Variants in XKR4 observed in about 807,000 individuals in gnomAD.
XKR4 encodes XK related 4, also known as XK-related protein 4.
Under a neutral mutation model 53.9 loss-of-function variants are expected in XKR4, and 12 were observed. The ratio of observed to expected loss-of-function variants is 0.22; its 90% confidence interval spans 0.14 to 0.36. The LOEUF (loss-of-function observed/expected upper bound fraction) is 0.36. Among genes scored for constraint, XKR4 ranks in the 10% least tolerant of loss-of-function variants. The pLI is 1.00. For missense variants in XKR4, 799 were observed against 859.5 expected (o/e 0.93, Z 0.88); for synonymous variants, 354 against 362.4 (o/e 0.98, Z 0.26).
At chr8:55,513,615 T>A (rs951145614) in intron 2 of XKR4, among the ~76,000 whole-genome samples, 1 of 152,190 alleles carries the variant, frequency 6.6e-6, no homozygotes, top group African/African-American at 2.4e-5. Context: ...AGAGTCCCTT[T>A]TCAAGAGGTT....
chr8:55,408,529 A>G (rs1220441639), intron 2 of XKR4, among the ~76,000 whole-genome samples: 2 of 152,212 alleles, frequency 1.3e-5, no homozygotes, highest in South Asian at 2.1e-4. Context: ...CAGGCCCCAA[A>G]GGAACAGACA....
At chr8:55,234,897 C>T (rs80227239) in intron 1 of XKR4, among the ~76,000 whole-genome samples, 3,345 of 152,254 alleles carry the variant, frequency 0.022, 134 homozygotes, top group African/African-American at 0.075. Flanking sequence ...CTCTGCATCC[C>T]GGCTCCTTGG....
At chr8:55,237,267 T>C (rs888270712) in intron 1 of XKR4, among the ~76,000 whole-genome samples, 1 of 152,194 alleles carries the variant, frequency 6.6e-6, no homozygotes, top group Non-Finnish European at 1.5e-5. Flanking sequence ...AAGTCAAAAA[T>C]TCACATGTAT....
chr8:55,471,683 G>A (rs1805886351), intron 2 of XKR4, among the ~76,000 whole-genome samples: 1 of 152,172 alleles, frequency 6.6e-6, no homozygotes, highest in Non-Finnish European at 1.5e-5. Flanking sequence ...GGTGGGGCCT[G>A]GTGGGAGGTG....
At chr8:55,360,384 T>C (rs1236257821) in intron 2 of XKR4, among the ~76,000 whole-genome samples, 1 of 152,194 alleles carries the variant, frequency 6.6e-6, no homozygotes, top group East Asian at 1.9e-4. Context: ...ACAAACCAGC[T>C]GATAAATTAA....
At chr8:55,199,238 A>T (rs1817543387) in intron 1 of XKR4, among the ~76,000 whole-genome samples, 2 of 152,198 alleles carry the variant, frequency 1.3e-5, no homozygotes, top group Admixed American at 6.5e-5. Flanking sequence ...AGAAAAAAAA[A>T]TGGTAAAACT....
At chr8:55,266,107 A>G (rs939284636) in intron 1 of XKR4, among the ~76,000 whole-genome samples, 3 of 151,904 alleles carry the variant, frequency 2.0e-5, no homozygotes, top group Non-Finnish European at 4.4e-5. Context: ...GCAGTGAGCT[A>G]TGATTGTGTC....
chr8:55,265,268 C>T (rs1818580345), intron 1 of XKR4, among the ~76,000 whole-genome samples: 1 of 152,196 alleles, frequency 6.6e-6, no homozygotes, highest in Admixed American at 6.5e-5. Context: ...GAAATAAAGA[C>T]TAGGAAATAT....
intron 2 of XKR4, among the ~76,000 whole-genome samples, chr8:55,416,929 TTTAA>T (rs1374269022): frequency 6.6e-5 from 10 of 152,224 alleles, no homozygotes; most frequent in Admixed American, 1.3e-4. Context: ...CTAATGAAGT[TTTAA>T]TTGTTTCAAA....
rs541803141 is a variant in XKR4, at chr8:55,451,670, C to T, written c.1007-71611C>T. 5.8e-6 allele frequency: 9 copies of T among 1,547,814 alleles called. No homozygotes were observed. In the East Asian group the frequency reaches 1.6e-4, roughly 27 times the overall value. On this transcript the variant is annotated intron_variant, in intron 2 of 2. Transcript: ENST00000327381. ...GCGTTGTCCTGGACACTCTGGGGCACGATCAGCAGCCCCGGGTACCTGCGG... is the reference window on the plus strand; with the variant it reads ...GCGTTGTCCTGGACACTCTGGGGCATGATCAGCAGCCCCGGGTACCTGCGG...
At chr8:55,107,068 C>T (rs1816159419) in intron 1 of XKR4, among the ~76,000 whole-genome samples, 1 of 152,102 alleles carries the variant, frequency 6.6e-6, no homozygotes, top group Non-Finnish European at 1.5e-5. Flanking sequence ...GCATGCAAAG[C>T]ACTTGGATAA....
At chr8:55,304,029 C>G (rs1819250240) in intron 1 of XKR4, among the ~76,000 whole-genome samples, 1 of 151,940 alleles carries the variant, frequency 6.6e-6, no homozygotes, top group Non-Finnish European at 1.5e-5. Context: ...TTATTTCTTG[C>G]CTTCTGCTAG....
chr8:55,374,628 A>T (rs6987848), intron 2 of XKR4, among the ~76,000 whole-genome samples: 147 of 152,330 alleles, frequency 9.7e-4, no homozygotes, highest in African/African-American at 3.3e-3. Context: ...ATTCCTTAAC[A>T]GTCCTGCAAC....
intron 2 of XKR4, among the ~76,000 whole-genome samples, chr8:55,396,478 T>G (rs912823680): frequency 1.4e-5 from 2 of 144,428 alleles, no homozygotes; most frequent in African/African-American, 5.2e-5. Context: ...ATTTGAGAGC[T>G]TCAGCTGGCT....
At chr8:55,459,833 T>C (rs1805623785) in intron 2 of XKR4, among the ~76,000 whole-genome samples, 1 of 152,070 alleles carries the variant, frequency 6.6e-6, no homozygotes, top group South Asian at 2.1e-4. Flanking sequence ...TGAAGTAAAA[T>C]GGTACAGTCA....
chr8:55,450,702 G>T, intron 2 of XKR4: 1 of 584,242 alleles, frequency 1.7e-6, no homozygotes. Flanking sequence ...CTCCCCCGTG[G>T]CTGAAGCGAT....
chr8:55,359,420 A>G (rs548454799), intron 2 of XKR4, among the ~76,000 whole-genome samples: 1 of 152,376 alleles, frequency 6.6e-6, no homozygotes, highest in South Asian at 2.1e-4. Context: ...ATGAATTCCC[A>G]ATAGGCATAT....
chr8:55,248,032 T>G (rs2129369260), intron 1 of XKR4, among the ~76,000 whole-genome samples: 1 of 151,658 alleles, frequency 6.6e-6, no homozygotes, highest in South Asian at 2.1e-4. Flanking sequence ...ATTTTTTGTA[T>G]TTTTAGTAGA....
chr8:55,337,756 T>C (rs1012312315), intron 1 of XKR4, among the ~76,000 whole-genome samples: 9 of 152,208 alleles, frequency 5.9e-5, no homozygotes, highest in African/African-American at 2.2e-4. Flanking sequence ...CTGAAATACC[T>C]AGAATAAAGG....
Sources: gnomAD v4.1 joint callset for allele counts (sites outside exome capture counted in the v4.1 genomes callset) on GRCh38, gnomAD v4.1.1 for gene constraint, MANE v1.5 for transcripts, NCBI Gene and HGNC (gene_info 2026-07-23, HGNC 2026-07-21) for gene names.